ARSB: variants seen among roughly 807,000 people sequenced by gnomAD.
The protein encoded by ARSB is arylsulfatase B.
A neutral mutation model predicts 50.9 loss-of-function variants in ARSB; 41 were observed. The ratio of observed to expected loss-of-function variants is 0.81; its 90% CI spans 0.63 to 1.04. The LOEUF (loss-of-function observed/expected upper bound fraction) is 1.04. Among genes scored for constraint, ARSB ranks in the 50% least tolerant of loss-of-function variants. The pLI is 0.00. For synonymous variants in ARSB, 269 were observed against 284.8 expected, an observed-to-expected ratio of 0.94 and a Z score of 0.56; for missense variants, 672 against 693.3, an observed-to-expected ratio of 0.97 and a Z score of 0.35.
chr5:78,837,011 G>C (rs976537421), intron 6 of ARSB, among the ~76,000 whole-genome samples: 1 of 152,136 alleles, frequency 6.6e-6, no homozygotes, highest in Non-Finnish European at 1.5e-5. Context: ...AACAGCAAGG[G>C]GGAATCCATG....
At position 78,945,308 on chromosome 5, in the gene ARSB, CCA is replaced by C. The variant is rs1466557914; in HGVS notation, c.898+9985_898+9986del. On this transcript the variant is annotated intron_variant, in intron 4 of 7. Coordinates refer to ENST00000264914, the MANE Select transcript of ARSB (RefSeq NM_000046.5). ...TCCTGCACCCACTGTCCAACAATCCCCAGTGAGATGAACCCAGTACCTCAGTT... is the reference window on the plus strand; with the variant it reads ...TCCTGCACCCACTGTCCAACAATCCCGTGAGATGAACCCAGTACCTCAGTT... Among the ~76,000 whole-genome samples, 3 of 152,160 alleles carry C rather than the reference CCA, an allele frequency of 2.0e-5. No homozygotes were observed. The East Asian group carries it at 5.8e-4, about 29-fold the overall frequency.
At chr5:78,943,801 T>C (rs1751062530) in intron 4 of ARSB, among the ~76,000 whole-genome samples, 1 of 152,234 alleles carries the variant, frequency 6.6e-6, no homozygotes, top group Non-Finnish European at 1.5e-5. Context: ...ATTCTCTGTA[T>C]TTCCTGAATC....
chr5:78,797,853 A>G (rs1743238342), intron 6 of ARSB, among the ~76,000 whole-genome samples: 1 of 152,188 alleles, frequency 6.6e-6, no homozygotes, highest in South Asian at 2.1e-4. Context: ...ATGGACTGAG[A>G]AAAGAACAGG....
intron 6 of ARSB, among the ~76,000 whole-genome samples, chr5:78,810,333 A>G (rs140946509): frequency 6.6e-6 from 1 of 152,334 alleles, no homozygotes; most frequent in East Asian, 1.9e-4. Flanking sequence ...TCCAGAGAGA[A>G]CTGAGTTGTG....
intron 5 of ARSB, among the ~76,000 whole-genome samples, chr5:78,842,587 A>T (rs1745274034): frequency 6.6e-6 from 1 of 152,158 alleles, no homozygotes; most frequent in Non-Finnish European, 1.5e-5. Context: ...TTCTCTTTAT[A>T]AATTCAAAGA....
intron 6 of ARSB, among the ~76,000 whole-genome samples, chr5:78,807,688 T>C (rs937575516): frequency 6.6e-6 from 1 of 152,164 alleles, no homozygotes; most frequent in African/African-American, 2.4e-5. Context: ...CCCTCTTCTC[T>C]AACTAGGAGA....
intron 4 of ARSB, among the ~76,000 whole-genome samples, chr5:78,905,099 T>C (rs117812394): frequency 6.6e-6 from 1 of 152,236 alleles, no homozygotes; most frequent in Non-Finnish European, 1.5e-5. Flanking sequence ...GATATTGTGT[T>C]TTTCAGTTCT....
intron 5 of ARSB, among the ~76,000 whole-genome samples, chr5:78,863,116 G>C (rs186015325): frequency 6.6e-6 from 1 of 152,226 alleles, no homozygotes; most frequent in African/African-American, 2.4e-5. Flanking sequence ...AACAGGTGCT[G>C]GAGAGGATGT....
chr5:78,944,550 C>G (rs978824903), intron 4 of ARSB, among the ~76,000 whole-genome samples: 9 of 152,310 alleles, frequency 5.9e-5, no homozygotes, highest in Middle Eastern at 3.4e-3. Context: ...CCACTCCAGA[C>G]CCTGTTTGCC....
chr5:78,818,576 A>T (rs1329874432), intron 6 of ARSB, among the ~76,000 whole-genome samples: 4 of 148,650 alleles, frequency 2.7e-5, no homozygotes, highest in Non-Finnish European at 5.9e-5. Context: ...GTTTAAATGG[A>T]AAGAACCCAT....
rs79539364 is a variant in ARSB, at chr5:78,924,943, C to A, written c.898+30352G>T. On this transcript the variant is annotated intron_variant, in intron 4 of 7. Transcript: ENST00000264914. ...CATGACAGGGAGAAAGATCCACCGA[C>A]CATTATTTTCACACCTGCAAACATA... Among the ~76,000 whole-genome samples the A allele has an allele frequency of 7.9e-3, 1,196 of 152,286 alleles. 9 individuals are homozygous for A. Among genetic ancestry groups the A allele is most frequent in the African/African-American group, 0.027 (1,129 of 41,564 alleles).
chr5:78,919,205 C>T (rs1749693590), intron 4 of ARSB, among the ~76,000 whole-genome samples: 1 of 152,208 alleles, frequency 6.6e-6, no homozygotes, highest in Non-Finnish European at 1.5e-5. Context: ...GTGACCCACA[C>T]TGGAGAATGA....
chr5:78,934,319 G>A (rs1033135472), intron 4 of ARSB, among the ~76,000 whole-genome samples: 3 of 152,014 alleles, frequency 2.0e-5, no homozygotes, highest in African/African-American at 7.3e-5. Flanking sequence ...AAGCATTCTG[G>A]ATGTCATTTG....
chr5:78,964,740 C>A lies in ARSB; in HGVS notation c.500-134G>T, dbSNP rs1205572630. Reference sequence around the variant, plus strand: ...ATCAAATGACAAGGCTAATCAGCACCATTTCTCAACATGTCTATATCTGGT... The same window carrying A: ...ATCAAATGACAAGGCTAATCAGCACAATTTCTCAACATGTCTATATCTGGT... On this transcript the variant is annotated intron_variant, in intron 2 of 7. Coordinates refer to ENST00000264914, the MANE Select transcript of ARSB (RefSeq NM_000046.5). The A allele has an allele frequency of 6.1e-6, 5 of 818,718 alleles. No homozygotes were observed. The South Asian group carries it at 7.3e-5, about 12-fold the overall frequency. The allele number at this position is 818,718 out of a possible 1,614,324, so 50.7% of individuals were successfully genotyped here.
chr5:78,884,870 A>G, intron 5 of ARSB: 1 of 152,220 alleles, frequency 6.6e-6, no homozygotes, highest in East Asian at 1.9e-4. Flanking sequence ...ATTGCTCTAC[A>G]CTGTGGGGGT....
chr5:78,877,066 G>T (rs1191024015), intron 5 of ARSB, among the ~76,000 whole-genome samples: 1 of 152,144 alleles, frequency 6.6e-6, no homozygotes, highest in Non-Finnish European at 1.5e-5. Flanking sequence ...GGGGACCATT[G>T]TCTTAGAAAA....
rs572219814 is a variant in ARSB at position 78,963,947 on chromosome 5, G to T, written c.690+469C>A. On this transcript the variant is annotated intron_variant, in intron 3 of 7. Coordinates refer to ENST00000264914, the MANE Select transcript of ARSB (RefSeq NM_000046.5). ...GAGGAAGTACAAGGTTAGAGGAACT[G>T]CCCTGATCCCAAAATTTATGGATCC... 2.6e-5 allele frequency among the ~76,000 whole-genome samples: 4 copies of T among 152,260 alleles called. No individual in the cohort carries two copies. The South Asian group carries it at 6.2e-4, about 24-fold the overall frequency.
chr5:78,830,922 A>G (rs1168395229), intron 6 of ARSB, among the ~76,000 whole-genome samples: 1 of 152,172 alleles, frequency 6.6e-6, no homozygotes, highest in African/African-American at 2.4e-5. Flanking sequence ...CTCCCACTCT[A>G]TAAGAACCCA....
chr5:78,825,760 C>T lies in ARSB; in HGVS notation c.1213+13596G>A, dbSNP rs1046827171. On this transcript the variant is annotated intron_variant, in intron 6 of 7. Transcript: ENST00000264914. ...GCTATAAGCACTGAACTATTTTTTT[C>T]GAAGGAGTTTTTACAAAATGATGTA... Among the ~76,000 whole-genome samples the T allele has an allele frequency of 2.6e-5, 4 of 151,696 alleles. No individual in the cohort carries two copies. The South Asian group carries it at 8.3e-4, about 31-fold the overall frequency.
Sources: allele counts gnomAD v4.1 joint callset (sites outside exome capture counted in the v4.1 genomes callset), GRCh38; gene constraint gnomAD v4.1.1; transcripts MANE v1.5; gene names NCBI Gene and HGNC (gene_info 2026-07-23, HGNC 2026-07-21).